Variants in COPS3 observed in about 807,000 individuals in gnomAD.
COPS3 encodes the protein COP9 signalosome subunit 3, also known as COP9 signalosome complex subunit 3.
COPS3 carries 10 observed loss-of-function variants against 58.2 expected under a neutral mutation model. The ratio of observed to expected loss-of-function variants is 0.17; its 90% CI spans 0.11 to 0.29. COPS3 has a LOEUF of 0.29. Ranked by LOEUF, COPS3 falls within the 10% of genes least tolerant of loss-of-function variation. The pLI is 1.00. For synonymous variants in COPS3, 187 were observed against 181.7 expected, an observed-to-expected ratio of 1.03 and a Z score of -0.24; for missense variants, 333 against 510.1, an observed-to-expected ratio of 0.65 and a Z score of 3.34.
intron 8 of COPS3, among the ~76,000 whole-genome samples, chr17:17,258,513 A>G (rs1225113369): frequency 3.3e-5 from 5 of 152,198 alleles, no homozygotes; most frequent in African/African-American, 1.2e-4. Flanking sequence ...GCAATTTAAC[A>G]TCTTTTGTAA....
At chr17:17,278,897 C>T (rs577107290) in intron 1 of COPS3, among the ~76,000 whole-genome samples, 1 of 144,792 alleles carries the variant, frequency 6.9e-6, no homozygotes, top group Non-Finnish European at 1.5e-5. Context: ...TTTTTTGAGA[C>T]GGAGTCTTGC....
intron 10 of COPS3, among the ~76,000 whole-genome samples, chr17:17,248,711 C>G (rs2047776093): frequency 1.3e-5 from 2 of 152,178 alleles, no homozygotes; most frequent in African/African-American, 4.8e-5. Context: ...AGGTGGAGGA[C>G]AGTGGCACAA....
At chr17:17,273,284 A>G (rs1049922967) in intron 2 of COPS3, among the ~76,000 whole-genome samples, 22 of 152,314 alleles carry the variant, frequency 1.4e-4, no homozygotes, top group East Asian at 5.8e-4. Context: ...AGCTATTTAA[A>G]TTAAAATTAA....
At chr17:17,278,877 T>TC (rs2048515545) in intron 1 of COPS3, among the ~76,000 whole-genome samples, 1 of 151,278 alleles carries the variant, frequency 6.6e-6, no homozygotes, top group African/African-American at 2.4e-5. Flanking sequence ...TTCTTTTTTT[T>TC]CTTTTTTTTT....
intron 1 of COPS3, among the ~76,000 whole-genome samples, chr17:17,280,236 C>T (rs915262005): frequency 1.3e-5 from 2 of 152,170 alleles, no homozygotes; most frequent in Non-Finnish European, 2.9e-5. Context: ...CATGGTGAAA[C>T]CCTGTCTCTA....
intron 8 of COPS3, among the ~76,000 whole-genome samples, chr17:17,255,362 C>A (rs1035726037): frequency 1.2e-4 from 18 of 151,424 alleles, no homozygotes; most frequent in Non-Finnish European, 1.5e-5. Flanking sequence ...TCTGTAGTCC[C>A]AGCTACTTGG....
rs777386258 is a variant in COPS3, at chr17:17,276,048, C to T, written c.172G>A (p.Val58Ile). ...ALDVQEHSLG[V>I]LAVLFVKFSM... ...GATGCTCCTTACAAAACAGCAAGGA[C>T]GCCCAAGGAGTGTTCTTGTACATCC... Residue 58 changes from valine to isoleucine, a missense_variant, in exon 2 of 12, where the codon GTC becomes ATC. By Grantham distance (29) the Val-to-Ile change is conservative (BLOSUM62 3). Transcript: ENST00000268717. The T allele has an allele frequency of 4.3e-5, 70 of 1,612,916 alleles. No individual in the cohort carries two copies. The highest frequency in any genetic ancestry group is 2.0e-4 in the East Asian group (9 of 44,890).
chr17:17,271,172 G>A (rs114550569), intron 2 of COPS3, among the ~76,000 whole-genome samples, 164 bp from the exon 3 acceptor site: 4,544 of 152,266 alleles, frequency 0.03, 97 homozygotes, highest in African/African-American at 0.058. Context: ...GCTCATGCCC[G>A]TAATCCAAGC....
In COPS3 at chr17:17,246,710, C is replaced by G. The variant is rs577078627; in HGVS notation, c.*388G>C. 1 of 177,140 alleles carries G rather than the reference C, an allele frequency of 5.6e-6. No individual in the cohort carries two copies. Among genetic ancestry groups the G allele is most frequent in the Non-Finnish European group, 1.2e-5 (1 of 83,334 alleles). The allele number at this position is 177,140 out of a possible 1,614,324, so 11.0% of individuals were successfully genotyped here. On this transcript the variant is annotated 3_prime_UTR_variant, in exon 12 of 12. Transcript: ENST00000268717. ...ATACAAATTTGTCAATAAATAAAAA[C>G]CTTTCAGATCCAAATCTTCCAAAAA...
intron 2 of COPS3, among the ~76,000 whole-genome samples, chr17:17,273,708 C>T (rs1032330000): frequency 3.3e-5 from 5 of 152,114 alleles, no homozygotes; most frequent in Non-Finnish European, 5.9e-5. Flanking sequence ...AAAAATTAGG[C>T]GGGCGTGGTG....
At chr17:17,247,674 C>A (rs1005891506) in intron 10 of COPS3, 114 bp from the exon 11 acceptor site, 36 of 983,658 alleles carry the variant, frequency 3.7e-5, no homozygotes, top group Non-Finnish European at 5.5e-5. Context: ...TGATGTGAAA[C>A]CCCTGGGGCC....
rs541516714 is a variant in COPS3, at chr17:17,262,148, C to T, written c.622-42G>A. The stretch of plus-strand genomic sequence containing the variant: ...TGCTTGCTGTAAAGAGAACATACCA[C>T]AGTAGCAAACAACAATCAACCACAT... On this transcript the variant is annotated intron_variant, in intron 6 of 11. Coordinates refer to ENST00000268717, the MANE Select transcript of COPS3 (RefSeq NM_003653.4). The T allele has an allele frequency of 3.5e-5, 55 of 1,554,866 alleles. No individual in the cohort carries two copies. In the South Asian group the frequency reaches 6.8e-4, roughly 19 times the overall value.
intron 8 of COPS3, among the ~76,000 whole-genome samples, chr17:17,257,581 A>T (rs1322706407): frequency 6.6e-6 from 1 of 151,406 alleles, no homozygotes; most frequent in African/African-American, 2.4e-5. Context: ...GCGGATCACG[A>T]GGTCAGGAGA....
chr17:17,253,385 T>C (rs1322304381), intron 9 of COPS3, among the ~76,000 whole-genome samples: 1 of 152,194 alleles, frequency 6.6e-6, no homozygotes, highest in Non-Finnish European at 1.5e-5. Context: ...TAGATTACAA[T>C]ACATCAATGT....
intron 9 of COPS3, among the ~76,000 whole-genome samples, chr17:17,250,362 C>G (rs2047816462): frequency 6.8e-6 from 1 of 147,988 alleles, no homozygotes; most frequent in African/African-American, 2.5e-5. Context: ...TCAGGGGATT[C>G]TCCTGCCTCG....
chr17:17,260,279 G>A (rs374083241), intron 8 of COPS3, 22 bp downstream of exon 8: 103 of 1,610,492 alleles, frequency 6.4e-5, no homozygotes, highest in Non-Finnish European at 8.2e-5. Flanking sequence ...GAGCTGCCCT[G>A]TGAAGGTGGC....
intron 8 of COPS3, among the ~76,000 whole-genome samples, chr17:17,256,076 G>C (rs1261115341): frequency 6.6e-6 from 1 of 150,462 alleles, no homozygotes; most frequent in Non-Finnish European, 1.5e-5. Flanking sequence ...CTACTTGGGA[G>C]GCTGAGGCAG....
At chr17:17,248,835 TA>T in intron 10 of COPS3, 90 bp downstream of exon 10, 1 of 829,082 alleles carries the variant, frequency 1.2e-6, no homozygotes, top group Non-Finnish European at 1.9e-6. Flanking sequence ...TACCTGTACT[TA>T]AAACTAAAAT....
chr17:17,261,867 TA>T (rs1463072960), intron 7 of COPS3, 98 bp downstream of exon 7: 3 of 1,034,594 alleles, frequency 2.9e-6, no homozygotes, highest in Admixed American at 2.4e-5. Flanking sequence ...CTAGGAGAGC[TA>T]AATCAGTATA....
Sources: allele counts gnomAD v4.1 joint callset (sites outside exome capture counted in the v4.1 genomes callset), GRCh38; gene constraint gnomAD v4.1.1; transcripts MANE v1.5; gene names NCBI Gene and HGNC (gene_info 2026-07-23, HGNC 2026-07-21).